The following DENND1B variants were observed in gnomAD, a reference collection of about 807,000 sequenced individuals.
DENND1B encodes DENN domain containing 1B.
Under a neutral mutation model 90.1 loss-of-function variants are expected in DENND1B, and 59 were observed. That is an observed-to-expected ratio of 0.65 (90% CI 0.53 to 0.81). The LOEUF is 0.81. Ranked by LOEUF, DENND1B falls within the 40% of genes least tolerant of loss-of-function variation. DENND1B has a pLI of 0.00. For missense variants in DENND1B, 862 were observed against 912.6 expected (o/e 0.94, Z 0.71); for synonymous variants, 337 against 324.6 (o/e 1.04, Z -0.41).
intron 3 of DENND1B, among the ~76,000 whole-genome samples, chr1:197,676,868 A>G (rs1656132034): frequency 1.3e-5 from 2 of 152,126 alleles, no homozygotes; most frequent in African/African-American, 2.4e-5. Flanking sequence ...TTACAATGAA[A>G]TTGATCTTGT....
chr1:197,779,308 T>C (rs1056561047), upstream of DENND1B, among the ~76,000 whole-genome samples: 2 of 152,214 alleles, frequency 1.3e-5, no homozygotes, highest in Admixed American at 6.5e-5. Context: ...TAAAATGTCA[T>C]CTGTTTTTTC....
chr1:197,581,106 G>C (rs1409003996), intron 15 of DENND1B, among the ~76,000 whole-genome samples: 2 of 152,044 alleles, frequency 1.3e-5, no homozygotes, highest in Non-Finnish European at 2.9e-5. Context: ...TAAATCTTTT[G>C]TACCTAATAA....
In DENND1B at chr1:197,590,344, A is replaced by G. The variant is rs991056550; in HGVS notation, c.1047+4864T>C. Among the ~76,000 whole-genome samples, 5 of 152,180 alleles carry G rather than the reference A, an allele frequency of 3.3e-5. No homozygotes were observed. The East Asian group carries it at 9.6e-4, about 29-fold the overall frequency. ...GAGGATGAATCCAGGCAGTATGGTTACAGAGTCTTGTGCTCTTACCGCTTT... is the reference window on the plus strand; with the variant it reads ...GAGGATGAATCCAGGCAGTATGGTTGCAGAGTCTTGTGCTCTTACCGCTTT... On this transcript the variant is annotated intron_variant, in intron 14 of 22. Coordinates refer to ENST00000620048, the MANE Select transcript of DENND1B (RefSeq NM_001195215.2).
intron 20 of DENND1B, among the ~76,000 whole-genome samples, chr1:197,537,479 T>A (rs1041601846): frequency 6.6e-6 from 1 of 152,094 alleles, no homozygotes; most frequent in Non-Finnish European, 1.5e-5. Context: ...ATTTTCTCTA[T>A]CAGAATGTAC....
intron 15 of DENND1B, among the ~76,000 whole-genome samples, chr1:197,568,642 A>G (rs1672894357): frequency 6.6e-6 from 1 of 152,188 alleles, no homozygotes; most frequent in Admixed American, 6.5e-5. Context: ...GTACTAGCAT[A>G]AAAACAGATA....
intron 13 of DENND1B, 120 bp from the exon 14 acceptor site, chr1:197,595,453 T>C: frequency 1.6e-6 from 2 of 1,235,884 alleles, no homozygotes; most frequent in Non-Finnish European, 1.1e-6. Flanking sequence ...TCCTCCTCCC[T>C]GATAGCTTAT....
chr1:197,552,639 C>G, intron 16 of DENND1B: 1 of 1,002,922 alleles, frequency 1.0e-6, no homozygotes, highest in African/African-American at 1.7e-5. Context: ...ATTGTATTAC[C>G]AATCATAACC....
intron 15 of DENND1B, among the ~76,000 whole-genome samples, chr1:197,553,808 G>A (rs936764790): frequency 3.3e-5 from 5 of 152,046 alleles, no homozygotes; most frequent in African/African-American, 1.2e-4. Context: ...TACAGTTGAG[G>A]TAAATGCATA....
At chr1:197,746,808 C>T in intron 2 of DENND1B, 1 of 1,607,150 alleles carries the variant, frequency 6.2e-7, no homozygotes, top group South Asian at 1.1e-5. Flanking sequence ...AACCCCCATG[C>T]AAGTTTCTTC....
chr1:197,543,441 T>C (rs961315710), intron 18 of DENND1B, among the ~76,000 whole-genome samples: 10 of 151,994 alleles, frequency 6.6e-5, no homozygotes, highest in Middle Eastern at 6.8e-3. Context: ...TCTCTAAGCC[T>C]AAAAAAAACC....
In DENND1B at chr1:197,600,394, C is replaced by T. The variant is rs115303802; in HGVS notation, c.922-5061G>A. 5.9e-3 allele frequency among the ~76,000 whole-genome samples: 896 copies of T among 151,684 alleles called. 13 individuals are homozygous for T. Among genetic ancestry groups the T allele is most frequent in the African/African-American group, 0.02 (836 of 41,436 alleles). On this transcript the variant is annotated intron_variant, in intron 13 of 22. Coordinates refer to ENST00000620048, the MANE Select transcript of DENND1B (RefSeq NM_001195215.2). ...ATCCGTATGGCTGGGTTCAGACAAA[C>T]GGAATGTGAGTTGAGGAACATGACA...
At chr1:197,620,131 A>C (rs1383954634) in intron 10 of DENND1B, among the ~76,000 whole-genome samples, 2 of 151,342 alleles carry the variant, frequency 1.3e-5, no homozygotes, top group Non-Finnish European at 3.0e-5. Context: ...TTTCCAAAGA[A>C]GACGGAAGCA....
chr1:197,699,435 C>T (rs11588864), intron 3 of DENND1B, among the ~76,000 whole-genome samples: 2 of 152,072 alleles, frequency 1.3e-5, no homozygotes, highest in East Asian at 3.9e-4. Context: ...TTATTTATGA[C>T]AAACCCACAG....
intron 13 of DENND1B, among the ~76,000 whole-genome samples, chr1:197,598,519 G>C (rs953980353): frequency 7.9e-5 from 12 of 151,732 alleles, no homozygotes; most frequent in African/African-American, 2.7e-4. Context: ...AAAAATGATG[G>C]GGTCTGTCCT....
intron 11 of DENND1B, among the ~76,000 whole-genome samples, chr1:197,614,150 A>T (rs1677430279): frequency 6.6e-6 from 1 of 150,690 alleles, no homozygotes; most frequent in Non-Finnish European, 1.5e-5. Flanking sequence ...AAAAATTGTT[A>T]AGCTGACATA....
chr1:197,534,834 C>T (rs1669759999), intron 20 of DENND1B, among the ~76,000 whole-genome samples: 1 of 152,100 alleles, frequency 6.6e-6, no homozygotes, highest in African/African-American at 2.4e-5. Context: ...TCTTAATATA[C>T]TCAGATACCA....
intron 12 of DENND1B, among the ~76,000 whole-genome samples, chr1:197,609,048 T>A (rs1676949796): frequency 6.6e-6 from 1 of 150,470 alleles, no homozygotes; most frequent in Non-Finnish European, 1.5e-5. Context: ...TCAGCTATTT[T>A]TTTTTTCTAA....
rs149044812 is a variant in DENND1B at position 197,572,053 on chromosome 1, A to G, written c.1149+11099T>C. On this transcript the variant is annotated intron_variant, in intron 15 of 22. Coordinates refer to ENST00000620048, the MANE Select transcript of DENND1B (RefSeq NM_001195215.2). ...CCGATTGAGGTACATGGTTCATCTC[A>G]TTGGGACTGGTTGGGCAGTGGGTAC... is the stretch of plus-strand genomic sequence containing the variant. Among the ~76,000 whole-genome samples the G allele has an allele frequency of 3.9e-5, 6 of 152,160 alleles. No homozygotes were observed. In the East Asian group the frequency reaches 1.2e-3, roughly 30 times the overall value.
At chr1:197,578,617 A>T (rs1300307799) in intron 15 of DENND1B, among the ~76,000 whole-genome samples, 1 of 152,210 alleles carries the variant, frequency 6.6e-6, no homozygotes, top group African/African-American at 2.4e-5. Flanking sequence ...TTAGCTTGAT[A>T]TAATCATTCT....
Sources: gnomAD v4.1 joint callset for allele counts (sites outside exome capture counted in the v4.1 genomes callset) on GRCh38, gnomAD v4.1.1 for gene constraint, MANE v1.5 for transcripts, NCBI Gene and HGNC (gene_info 2026-07-23, HGNC 2026-07-21) for gene names.